HIPK3: variants seen among roughly 807,000 people sequenced by gnomAD.
The protein encoded by HIPK3 is homeodomain-interacting protein kinase 3.
HIPK3 carries 47 observed loss-of-function variants against 124.2 expected under a neutral mutation model. The ratio of observed to expected loss-of-function variants is 0.38; its 90% confidence interval spans 0.30 to 0.48. The LOEUF (loss-of-function observed/expected upper bound fraction) is 0.48, where lower values mean the gene tolerates loss of function less well. Ranked by LOEUF, HIPK3 falls within the 20% of genes least tolerant of loss-of-function variation. The pLI, the probability that HIPK3 is intolerant of heterozygous loss-of-function variation, is 0.98. For synonymous variants in HIPK3, 482 were observed against 515.2 expected (o/e 0.94, Z 0.87); for missense variants, 1,286 against 1,454.3 (o/e 0.88, Z 1.88).
chr11:33,281,230 T>C (rs1409141806), intron 1 of HIPK3, among the ~76,000 whole-genome samples: 1 of 152,040 alleles, frequency 6.6e-6, no homozygotes, highest in Non-Finnish European at 1.5e-5. Context: ...CCACCACACC[T>C]GGCTAATTTT....
chr11:33,341,775 AT>A (rs1853342815), intron 8 of HIPK3, 89 bp downstream of exon 8: 2 of 1,271,644 alleles, frequency 1.6e-6, no homozygotes, highest in Non-Finnish European at 2.2e-6. Flanking sequence ...ATATTGTATA[AT>A]TTTTGCTGCA....
intron 2 of HIPK3, among the ~76,000 whole-genome samples, chr11:33,294,359 G>A (rs998748833): frequency 7.2e-5 from 11 of 151,900 alleles, no homozygotes; most frequent in African/African-American, 2.4e-4. Flanking sequence ...AGTGTTTCAC[G>A]TTAGTGTTTG....
intron 1 of HIPK3, among the ~76,000 whole-genome samples, chr11:33,277,765 T>C (rs1301457102): frequency 1.3e-5 from 2 of 152,244 alleles, no homozygotes; most frequent in Non-Finnish European, 2.9e-5. Flanking sequence ...GTGATTGTAC[T>C]TCTTACCCTT....
chr11:33,338,527 C>T (rs765865960), intron 4 of HIPK3, among the ~76,000 whole-genome samples: 8 of 152,168 alleles, frequency 5.3e-5, no homozygotes, highest in Non-Finnish European at 1.0e-4. Flanking sequence ...CCGCCGTGCC[C>T]GGCCTAGTTA....
At position 33,351,855 on chromosome 11, in the gene HIPK3, C is replaced by G. The variant is rs763940937; in HGVS notation, c.3043+12C>G. ...TATGGCAAACACAGGTAAGTTGAGT[C>G]CTCCCATTTCTCTGGTTGTCCTTTA... On this transcript the variant is annotated intron_variant, in intron 15 of 16. Transcript: ENST00000303296. 3 of 1,584,518 alleles carry G rather than the reference C, an allele frequency of 1.9e-6. No homozygotes were observed. Among genetic ancestry groups the G allele is most frequent in the African/African-American group, 1.3e-5 (1 of 74,330 alleles).
chr11:33,292,239 G>C (rs945455064), intron 2 of HIPK3, among the ~76,000 whole-genome samples: 19 of 152,154 alleles, frequency 1.2e-4, no homozygotes, highest in Middle Eastern at 3.2e-3. Flanking sequence ...AAGTCAGACA[G>C]GTTCAAATTC....
intron 2 of HIPK3, among the ~76,000 whole-genome samples, chr11:33,294,291 GA>G (rs58128638): frequency 0.99 from 151,422 of 152,206 alleles, 75,319 homozygotes; most frequent in East Asian, 1. Flanking sequence ...TTAGGCATAC[GA>G]AAAAAGTTGT....
chr11:33,347,510 T>A, intron 9 of HIPK3, 96 bp downstream of exon 9: 1 of 1,578,204 alleles, frequency 6.3e-7, no homozygotes, highest in South Asian at 1.2e-5. Context: ...TTGTAGGTTA[T>A]GGACTTTAAT....
intron 14 of HIPK3, 110 bp downstream of exon 14, chr11:33,349,397 T>C: frequency 1.2e-6 from 1 of 832,346 alleles, no homozygotes; most frequent in Non-Finnish European, 1.8e-6. Flanking sequence ...GTGACTTCTA[T>C]CTTGAACACA....
intron 14 of HIPK3, among the ~76,000 whole-genome samples, chr11:33,349,634 A>G (rs1314969948): frequency 6.6e-6 from 1 of 152,092 alleles, no homozygotes; most frequent in Non-Finnish European, 1.5e-5. Flanking sequence ...TTTTTTTTGT[A>G]GAGATGGGAT....
intron 1 of HIPK3, 92 bp from the exon 2 acceptor site, chr11:33,286,321 C>T (rs944687476): frequency 1.6e-5 from 19 of 1,166,584 alleles, no homozygotes; most frequent in African/African-American, 3.2e-5. Context: ...TAAGAGTTTT[C>T]TTCCTGATAT....
intron 2 of HIPK3, among the ~76,000 whole-genome samples, chr11:33,311,173 G>A (rs767024378): frequency 1.3e-5 from 2 of 152,026 alleles, no homozygotes; most frequent in African/African-American, 2.4e-5. Context: ...ATGACTTTGC[G>A]CATTGTTTTT....
At chr11:33,337,553 A>T (rs1853191211) in intron 4 of HIPK3, among the ~76,000 whole-genome samples, 3 of 151,426 alleles carry the variant, frequency 2.0e-5, no homozygotes, top group African/African-American at 7.3e-5. Context: ...GCAGGGTTTC[A>T]CCATGTTGGC....
rs1335595426 is a variant in HIPK3 at position 33,308,343 on chromosome 11, T to G, written c.1098-20167T>G. 2.0e-5 allele frequency among the ~76,000 whole-genome samples: 3 copies of G among 151,934 alleles called. No individual in the cohort carries two copies. In the Admixed American group the frequency reaches 2.0e-4, roughly 10 times the overall value. ...CCTGATTGTTCTTCAAGGGCCTATTTTTTTGTCCTTTGCATTCTAGGTGAA... is the reference window on the plus strand; with the variant it reads ...CCTGATTGTTCTTCAAGGGCCTATTGTTTTGTCCTTTGCATTCTAGGTGAA... On this transcript the variant is annotated intron_variant, in intron 2 of 16. Transcript: ENST00000303296.
chr11:33,330,182 T>A (rs971068198), intron 3 of HIPK3, among the ~76,000 whole-genome samples: 2 of 152,330 alleles, frequency 1.3e-5, no homozygotes, highest in East Asian at 3.9e-4. Context: ...TTGTTTTTTT[T>A]AAACTAAACT....
intron 2 of HIPK3, among the ~76,000 whole-genome samples, chr11:33,301,368 G>T (rs1445442645): frequency 6.6e-6 from 1 of 152,094 alleles, no homozygotes; most frequent in African/African-American, 2.4e-5. Flanking sequence ...CCTTCAGTGT[G>T]ATTATGTTAT....
rs1853801290 is a variant in HIPK3 at position 33,355,810 on chromosome 11, C to G, written c.*2242C>G. Reference sequence around the variant, plus strand: ...GTTTCAGTGTTTTTAGTAATTAATTCTATGCATTTTATACAAATAGAAATA... The same window carrying G: ...GTTTCAGTGTTTTTAGTAATTAATTGTATGCATTTTATACAAATAGAAATA... On this transcript the variant is annotated 3_prime_UTR_variant, in exon 17 of 17. Transcript: ENST00000303296. 1 of 151,550 alleles carries G rather than the reference C, an allele frequency of 6.6e-6. No individual in the cohort carries two copies. Among genetic ancestry groups the G allele is most frequent in the Non-Finnish European group, 1.5e-5 (1 of 67,772 alleles). 9.4% of individuals were successfully genotyped at this position (151,550 alleles called of 1,614,324 possible).
At chr11:33,259,554 GTTAT>G (rs1270424599) in intron 1 of HIPK3, among the ~76,000 whole-genome samples, 2 of 152,178 alleles carry the variant, frequency 1.3e-5, no homozygotes, top group Non-Finnish European at 2.9e-5. Context: ...GCCAGATACA[GTTAT>G]TTAGTTTTAA....
intron 1 of HIPK3, among the ~76,000 whole-genome samples, chr11:33,264,439 G>C (rs1479827506): frequency 6.6e-6 from 1 of 151,900 alleles, no homozygotes; most frequent in Non-Finnish European, 1.5e-5. Flanking sequence ...CAAGTTCCAA[G>C]ATCAGAAACT....
Sources: allele counts gnomAD v4.1 joint callset (sites outside exome capture counted in the v4.1 genomes callset), GRCh38; gene constraint gnomAD v4.1.1; transcripts MANE v1.5; gene names NCBI Gene and HGNC (gene_info 2026-07-23, HGNC 2026-07-21).